The following MASP1 variants were observed in gnomAD, a reference collection of about 807,000 sequenced individuals.
MASP1 encodes mannan-binding lectin serine protease 1.
In MASP1, 59 loss-of-function variants were observed where a neutral mutation model predicts 77.1. That is an observed-to-expected ratio of 0.77 (90% CI 0.62 to 0.95). The LOEUF (loss-of-function observed/expected upper bound fraction) is 0.95, where lower values mean the gene tolerates loss of function less well. Among genes scored for constraint, MASP1 ranks in the 40% least tolerant of loss-of-function variants. The pLI, the probability that MASP1 is intolerant of heterozygous loss-of-function variation, is 0.00. For synonymous variants in MASP1, 362 were observed against 354.5 expected (o/e 1.02, Z -0.24); for missense variants, 885 against 912.9 (o/e 0.97, Z 0.39).
Position 187,247,301 on chromosome 3 carries a change from C to T in MASP1, c.1090+2950G>A, listed in dbSNP as rs527401753. 176 of 1,614,028 alleles carry T rather than the reference C, an allele frequency of 1.1e-4. 7 individuals are homozygous for T. The South Asian group carries it at 1.8e-3, about 17-fold the overall frequency. ...CAGGGGTCTTGGGAGTGATCCATTTCTGGATGTCTGCATTGTGTGGGGTCC... is the reference window on the plus strand; with the variant it reads ...CAGGGGTCTTGGGAGTGATCCATTTTTGGATGTCTGCATTGTGTGGGGTCC... On this transcript the variant is annotated intron_variant, in intron 8 of 10. Coordinates refer to ENST00000296280, the MANE Select transcript of MASP1 (RefSeq NM_139125.4).
intron 6 of MASP1, among the ~76,000 whole-genome samples, chr3:187,252,859 G>C (rs748067737): frequency 1.3e-5 from 2 of 152,174 alleles, no homozygotes; most frequent in Non-Finnish European, 2.9e-5. Context: ...CAAGTCTACT[G>C]AATCACTGTG....
intron 12 of MASP1, among the ~76,000 whole-genome samples, chr3:187,225,917 G>A (rs569106147): frequency 1.3e-5 from 2 of 152,250 alleles, no homozygotes; most frequent in African/African-American, 4.8e-5. Flanking sequence ...GCTACTTTCC[G>A]TTAGAGGTCT....
exon 16 of MASP1, chr3:187,220,019 C>T: frequency 6.3e-7 from 1 of 1,590,236 alleles, no homozygotes; most frequent in Non-Finnish European, 8.6e-7. Flanking sequence ...GGAGGATCGT[C>T]CTCTGCTACT....
chr3:187,260,679 A>G, intron 4 of MASP1, 62 bp downstream of exon 4: 2 of 1,609,582 alleles, frequency 1.2e-6, no homozygotes, highest in African/African-American at 1.3e-5. Context: ...TCTGAGCCTC[A>G]TCTAATGTTA....
At chr3:187,228,169 C>T (rs1189428414) in intron 11 of MASP1, among the ~76,000 whole-genome samples, 2 of 151,936 alleles carry the variant, frequency 1.3e-5, no homozygotes, top group African/African-American at 4.8e-5. Context: ...CAAGGTTTGT[C>T]CTAGCTACTC....
chr3:187,288,756 G>A (rs373489840), intron 1 of MASP1, among the ~76,000 whole-genome samples: 1 of 152,252 alleles, frequency 6.6e-6, no homozygotes, highest in East Asian at 1.9e-4. Flanking sequence ...CCACATCGAG[G>A]AGACACTGAG....
chr3:187,291,722 G>A lies in MASP1; in HGVS notation c.-90C>T. The A allele has an allele frequency of 6.7e-7, 1 of 1,502,898 alleles. No homozygotes were observed. The highest frequency in any genetic ancestry group is 1.1e-5 in the South Asian group (1 of 88,786). 93.1% of individuals were successfully genotyped at this position (1,502,898 alleles called of 1,614,324 possible). A position where few individuals can be genotyped will look rare whatever the true frequency, so the allele number is the denominator to read the frequency against. On this transcript the variant is annotated 5_prime_UTR_variant, in exon 1 of 11. Coordinates refer to ENST00000296280, the MANE Select transcript of MASP1 (RefSeq NM_139125.4). The stretch of plus-strand genomic sequence containing the variant: ...TCGTGCCCGGTGTGGTGTCCGTGAT[G>A]CCTTATCTTTGTTCTGAGGTCCCTG...
chr3:187,236,057 A>G lies in MASP1; in HGVS notation c.1814T>C (p.Ile605Thr), dbSNP rs774084666. The part of the protein sequence containing the change: ...ISNPNVTVDE[I>T]ISSGTRTLSD... ...CAAGGTCCGTGTGCCACTGCTGATGATCTCATCCACTGTCACATTGGGATT... is the reference window on the plus strand; with the variant it reads ...CAAGGTCCGTGTGCCACTGCTGATGGTCTCATCCACTGTCACATTGGGATT... Residue 605 changes from isoleucine (I) to threonine (T), a missense_variant, in exon 11 of 11, where the codon ATC becomes ACC. Transcript: ENST00000296280. 2 of 1,614,080 alleles carry G rather than the reference A, an allele frequency of 1.2e-6. No individual in the cohort carries two copies. The highest frequency in any genetic ancestry group is 1.1e-5 in the South Asian group (1 of 91,078).
intron 4 of MASP1, among the ~76,000 whole-genome samples, chr3:187,260,366 A>T (rs1287393747): frequency 6.6e-6 from 1 of 152,226 alleles, no homozygotes; most frequent in Non-Finnish European, 1.5e-5. Flanking sequence ...CATGGAAAAG[A>T]AGAGAAAAGG....
At chr3:187,247,237 G>A (rs1293296189) in intron 8 of MASP1, 47 of 1,608,658 alleles carry the variant, frequency 2.9e-5, no homozygotes, top group Non-Finnish European at 2.5e-6. Flanking sequence ...GGGGCACGGG[G>A]GTGTTGTGGG....
At chr3:187,223,815 A>G (rs75684805) in intron 13 of MASP1, among the ~76,000 whole-genome samples, 3,808 of 152,330 alleles carry the variant, frequency 0.025, 64 homozygotes, top group Middle Eastern at 0.048. Flanking sequence ...TACTGAAAAC[A>G]GTGTTGGGCT....
In MASP1 at chr3:187,238,575, A is replaced by G. The variant is rs141031611; in HGVS notation, c.1304-2008T>C. 4.3e-3 allele frequency among the ~76,000 whole-genome samples: 649 copies of G among 152,300 alleles called. 1 individual carries two copies. The highest frequency in any genetic ancestry group is 7.2e-3 in the Non-Finnish European group (487 of 68,016). On this transcript the variant is annotated intron_variant, in intron 10 of 10. Coordinates refer to ENST00000296280, the MANE Select transcript of MASP1 (RefSeq NM_139125.4). The stretch of plus-strand genomic sequence containing the variant: ...TATGCTGAAGCCAGATTTGGGTTCT[A>G]GAGGACAGTGGTTACTGAGGGAGGG...
At chr3:187,251,382 T>C (rs1281826687) in intron 7 of MASP1, 6 of 489,626 alleles carry the variant, frequency 1.2e-5, no homozygotes, top group Non-Finnish European at 2.2e-5. Flanking sequence ...GATCCATATT[T>C]TAAAAATTCA....
At position 187,235,763 on chromosome 3, in the gene MASP1, T is replaced by C; in HGVS notation, c.2108A>G (p.Lys703Arg). 6.2e-7 allele frequency: 1 copy of C among 1,614,156 alleles called. No homozygotes were observed. The highest frequency in any genetic ancestry group is 2.2e-5 in the East Asian group (1 of 44,876). The change falls in exon 11 of 11, where the codon AAG becomes AGG. Residue 703 changes from lysine (K) to arginine (R), a missense_variant. Lys to Arg is a conservative substitution (Grantham distance 26). Transcript: ENST00000296280. Reference protein sequence around the residue: ...GSKQVYGVYTKVSNYVDWVWE... With the variant: ...GSKQVYGVYTRVSNYVDWVWE... ...CACCCAGTCCACGTAATTGGAGACC[T>C]TTGTGTAGACTCCATAGACCTGCTT...
At chr3:187,287,091 C>T (rs574884638) in intron 1 of MASP1, among the ~76,000 whole-genome samples, 13 of 152,272 alleles carry the variant, frequency 8.5e-5, no homozygotes, top group South Asian at 8.3e-4. Context: ...AACTGATATC[C>T]CCAACCCACC....
At chr3:187,277,094 A>G (rs928499835) in intron 2 of MASP1, among the ~76,000 whole-genome samples, 3 of 152,156 alleles carry the variant, frequency 2.0e-5, no homozygotes, top group African/African-American at 7.2e-5. Flanking sequence ...CAGAACTGGA[A>G]GGGTTTGGAG....
chr3:187,243,554 G>A lies in MASP1; in HGVS notation c.1158C>T (p.Leu386=), dbSNP rs749873757. ...ATTTGATCTCAGACTTGTATGTGGT[G>A]AGGTTGTTCCTTGTAGAGAAGGTGA... ...GLITFSTRNN[L]TTYKSEIKYS... Residue 386 remains leucine, a synonymous_variant, in exon 9 of 11, where the codon CTC becomes CTT. Transcript: ENST00000296280. The A allele has an allele frequency of 6.8e-6, 11 of 1,614,120 alleles. 1 individual carries two copies. In the South Asian group the frequency reaches 1.2e-4, roughly 18 times the overall value.
intron 2 of MASP1, among the ~76,000 whole-genome samples, chr3:187,285,092 C>A (rs1472377299): frequency 6.6e-6 from 1 of 152,076 alleles, no homozygotes; most frequent in Non-Finnish European, 1.5e-5. Flanking sequence ...AAACTTGATC[C>A]CTTAGAAATA....
intron 12 of MASP1, chr3:187,226,189 G>T (rs1712414313): frequency 1.8e-6 from 1 of 570,830 alleles, no homozygotes; most frequent in South Asian, 2.0e-5. Flanking sequence ...TTTTATCGTT[G>T]TGAAACTGAA....
Sources: allele counts gnomAD v4.1 joint callset (sites outside exome capture counted in the v4.1 genomes callset), GRCh38; gene constraint gnomAD v4.1.1; transcripts MANE v1.5; gene names NCBI Gene and HGNC (gene_info 2026-07-23, HGNC 2026-07-21).